The following TM9SF4 variants were observed in gnomAD, a reference collection of about 807,000 sequenced individuals.
TM9SF4 encodes the protein dinucleotide oxidase disulfide thiol exchanger 3 superfamily member 4.
TM9SF4 carries 26 observed loss-of-function variants against 90.4 expected under a neutral mutation model. The ratio of observed to expected loss-of-function variants is 0.29; its 90% CI spans 0.21 to 0.40. The LOEUF (loss-of-function observed/expected upper bound fraction) is 0.40, where lower values mean the gene tolerates loss of function less well. Ranked by LOEUF, TM9SF4 falls within the 10% of genes least tolerant of loss-of-function variation. The pLI is 1.00. For synonymous variants in TM9SF4, 293 were observed against 315.4 expected (o/e 0.93, Z 0.75); for missense variants, 549 against 834.8 (o/e 0.66, Z 4.22).
At chr20:32,163,268 A>AAAAAAAAATATAT (rs1555886757) in intron 17 of TM9SF4, among the ~76,000 whole-genome samples, 1 of 74,496 alleles carries the variant, frequency 1.3e-5, no homozygotes, top group African/African-American at 5.9e-5. Flanking sequence ...AAAAAAAAAA[A>AAAAAAAAATATAT]ATATATATAT....
intron 1 of TM9SF4, among the ~76,000 whole-genome samples, chr20:32,119,864 A>G (rs2046279334): frequency 6.6e-6 from 1 of 152,142 alleles, no homozygotes; most frequent in Non-Finnish European, 1.5e-5. Flanking sequence ...CTGAGGTTCC[A>G]TGTGCATATG....
chr20:32,111,890 A>G (rs2046147770), intron 1 of TM9SF4, among the ~76,000 whole-genome samples: 1 of 152,178 alleles, frequency 6.6e-6, no homozygotes, highest in African/African-American at 2.4e-5. Context: ...TACAAGATGA[A>G]ACTGGAGGGA....
At chr20:32,120,145 A>C (rs2046282937) in intron 1 of TM9SF4, among the ~76,000 whole-genome samples, 1 of 152,138 alleles carries the variant, frequency 6.6e-6, no homozygotes, top group Non-Finnish European at 1.5e-5. Context: ...TTTCCATATA[A>C]ATGCTAGAAT....
chr20:32,157,998 G>T, intron 14 of TM9SF4, 29 bp downstream of exon 14: 1 of 1,612,922 alleles, frequency 6.2e-7, no homozygotes, highest in Non-Finnish European at 8.5e-7. Context: ...GCAAGAGCAG[G>T]GGAACGTGGA....
At chr20:32,143,946 A>G (rs2046720571) in intron 6 of TM9SF4, among the ~76,000 whole-genome samples, 1 of 147,826 alleles carries the variant, frequency 6.8e-6, no homozygotes, top group Non-Finnish European at 1.5e-5. Context: ...TTACCATTTT[A>G]TCTTTTTTTT....
intron 1 of TM9SF4, among the ~76,000 whole-genome samples, chr20:32,113,308 G>A (rs1018258966): frequency 3.9e-5 from 6 of 152,160 alleles, no homozygotes; most frequent in Non-Finnish European, 8.8e-5. Context: ...TGTCAGTATG[G>A]AGGGTGTTTC....
chr20:32,161,186 C>T, intron 16 of TM9SF4, 90 bp from the exon 17 acceptor site: 3 of 1,045,668 alleles, frequency 2.9e-6, no homozygotes, highest in South Asian at 2.6e-5. Flanking sequence ...CTGCTCTTAC[C>T]AGAGTCTTCA....
intron 1 of TM9SF4, among the ~76,000 whole-genome samples, chr20:32,127,588 G>GT (rs1401444213): frequency 6.6e-6 from 1 of 152,092 alleles, no homozygotes; most frequent in African/African-American, 2.4e-5. Context: ...GCTTCTTGTT[G>GT]TTTTTTGGTG....
At chr20:32,123,701 G>A (rs2046369687) in intron 1 of TM9SF4, among the ~76,000 whole-genome samples, 1 of 149,508 alleles carries the variant, frequency 6.7e-6, no homozygotes, top group East Asian at 2.0e-4. Flanking sequence ...TTTATTCTTA[G>A]GAAACTTTCC....
At chr20:32,149,987 C>G (rs940653366) in intron 10 of TM9SF4, among the ~76,000 whole-genome samples, 2 of 152,214 alleles carry the variant, frequency 1.3e-5, no homozygotes, top group African/African-American at 2.4e-5. Flanking sequence ...ACAGAGCCCA[C>G]CATGTCTCCT....
In TM9SF4 at chr20:32,149,617, C is replaced by T. The variant is rs2122436795; in HGVS notation, c.955-17C>T. On this transcript the variant is annotated splice_polypyrimidine_tract_variant and intron_variant, in intron 9 of 17. Transcript: ENST00000398022. ...TCCATCTTCAACAACCAGCCTCACTCTGGCCCTTCGCTGCAGGAAGACACC... is the reference window on the plus strand; with the variant it reads ...TCCATCTTCAACAACCAGCCTCACTTTGGCCCTTCGCTGCAGGAAGACACC... 6.2e-7 allele frequency: 1 copy of T among 1,614,182 alleles called. No individual in the cohort carries two copies. Among genetic ancestry groups the T allele is most frequent in the South Asian group, 1.1e-5 (1 of 91,082 alleles).
intron 1 of TM9SF4, among the ~76,000 whole-genome samples, chr20:32,122,668 G>A (rs1370210846): frequency 1.0e-4 from 15 of 150,404 alleles, no homozygotes; most frequent in Non-Finnish European, 1.5e-4. Context: ...GGGCAGAGAC[G>A]CTCCTCACTT....
At chr20:32,113,006 A>G (rs1453148597) in intron 1 of TM9SF4, among the ~76,000 whole-genome samples, 1 of 152,202 alleles carries the variant, frequency 6.6e-6, no homozygotes, top group Non-Finnish European at 1.5e-5. Context: ...CACGGAAGTC[A>G]GAATAGTCCC....
chr20:32,123,841 C>T (rs1235544980), intron 1 of TM9SF4, among the ~76,000 whole-genome samples: 1 of 106,016 alleles, frequency 9.4e-6, no homozygotes, highest in Non-Finnish European at 1.8e-5. Flanking sequence ...CGTGTTCTCT[C>T]TCTCATATAT....
intron 1 of TM9SF4, among the ~76,000 whole-genome samples, chr20:32,114,001 T>A (rs1051699598): frequency 6.6e-6 from 1 of 152,244 alleles, no homozygotes; most frequent in African/African-American, 2.4e-5. Flanking sequence ...GCATCCCTTT[T>A]TATGGCTGAA....
At chr20:32,130,178 G>A (rs2046490022) in intron 1 of TM9SF4, among the ~76,000 whole-genome samples, 1 of 152,112 alleles carries the variant, frequency 6.6e-6, no homozygotes, top group African/African-American at 2.4e-5. Context: ...AATTGCTTTT[G>A]GTTGCCAACT....
chr20:32,145,464 G>T (rs774803112), intron 8 of TM9SF4, 41 bp downstream of exon 8: 1 of 1,569,282 alleles, frequency 6.4e-7, no homozygotes, highest in South Asian at 1.1e-5. Flanking sequence ...ATGGGGGTTG[G>T]GGTTGAGGGA....
chr20:32,148,087 G>A (rs1035922154), intron 9 of TM9SF4, among the ~76,000 whole-genome samples: 1 of 152,082 alleles, frequency 6.6e-6, no homozygotes. Context: ...CTACAGCCTG[G>A]GCAACAGAGC....
intron 12 of TM9SF4, among the ~76,000 whole-genome samples, chr20:32,151,902 C>A (rs975828003): frequency 2.0e-5 from 3 of 151,330 alleles, no homozygotes. Context: ...CGCTCTGTTG[C>A]CCAGGCTGGA....
Sources: allele counts gnomAD v4.1 joint callset (sites outside exome capture counted in the v4.1 genomes callset), GRCh38; gene constraint gnomAD v4.1.1; transcripts MANE v1.5; gene names NCBI Gene and HGNC (gene_info 2026-07-23, HGNC 2026-07-21).